Variants in MAPKAP1 observed in about 807,000 individuals in gnomAD.
MAPKAP1 encodes target of rapamycin complex 2 subunit MAPKAP1.
Under a neutral mutation model 65.7 loss-of-function variants are expected in MAPKAP1, and 20 were observed. That is an observed-to-expected ratio of 0.30 (90% CI 0.21 to 0.44). MAPKAP1 has a LOEUF of 0.44. Ranked by LOEUF, MAPKAP1 falls within the 20% of genes least tolerant of loss-of-function variation. The pLI, the probability that MAPKAP1 is intolerant of heterozygous loss-of-function variation, is 1.00. For synonymous variants in MAPKAP1, 222 were observed against 244.3 expected (o/e 0.91, Z 0.85); for missense variants, 423 against 648.0 (o/e 0.65, Z 3.77).
At chr9:125,650,991 C>T (rs1351942634) in intron 4 of MAPKAP1, among the ~76,000 whole-genome samples, 2 of 152,062 alleles carry the variant, frequency 1.3e-5, no homozygotes, top group African/African-American at 2.4e-5. Flanking sequence ...TTTTCAGACA[C>T]CATCTTGCTC....
intron 1 of MAPKAP1, among the ~76,000 whole-genome samples, chr9:125,685,979 G>GAGT (rs1419907978): frequency 2.0e-5 from 3 of 152,168 alleles, no homozygotes; most frequent in Non-Finnish European, 4.4e-5. Context: ...GAATTCAACA[G>GAGT]AGTAATGTTT....
intron 4 of MAPKAP1, chr9:125,652,154 C>A: frequency 1.5e-6 from 2 of 1,313,266 alleles, no homozygotes; most frequent in Non-Finnish European, 2.0e-6. Context: ...TGGCTTCATG[C>A]TTTTCTGCAA....
intron 10 of MAPKAP1, among the ~76,000 whole-genome samples, chr9:125,452,251 AC>A (rs1852984147): frequency 6.6e-6 from 1 of 152,052 alleles, no homozygotes; most frequent in South Asian, 2.1e-4. Flanking sequence ...GGCGTGCGCC[AC>A]CACGCCGAGC....
rs1337978048 is a variant in MAPKAP1 at position 125,625,257 on chromosome 9, A to AATT, written c.498+32393_498+32394insAAT. ...TCAATAAAAAAAAAATAAATAAATAAAAAAAAAAAAAAAAAAAAAAAAACA... is the reference window on the plus strand; with the variant it reads ...TCAATAAAAAAAAAATAAATAAATAAATTAAAAAAAAAAAAAAAAAAAAAAACA... On this transcript the variant is annotated intron_variant, in intron 4 of 11. Transcript: ENST00000265960. 5.4e-3 allele frequency among the ~76,000 whole-genome samples: 347 copies of AATT among 64,034 alleles called. 3 individuals are homozygous for AATT. Among genetic ancestry groups the AATT allele is most frequent in the South Asian group, 0.022 (39 of 1,798 alleles). The allele number at this position is 64,034 out of a possible 152,430, so 42.0% of individuals were successfully genotyped here. A position where few individuals can be genotyped will look rare whatever the true frequency, so the allele number is the denominator to read the frequency against.
chr9:125,611,935 C>A (rs1375567065), intron 4 of MAPKAP1, among the ~76,000 whole-genome samples: 2 of 152,146 alleles, frequency 1.3e-5, no homozygotes, highest in Non-Finnish European at 2.9e-5. Context: ...AACAGATTTA[C>A]AGATTGAGTA....
Position 125,595,461 on chromosome 9 carries a change from A to C in MAPKAP1, c.499-9734T>G, listed in dbSNP as rs1832097320. On this transcript the variant is annotated intron_variant, in intron 4 of 11. Transcript: ENST00000265960. This position sits in a 1 kb window ranked among gnomAD's most constrained non-coding sequence, Gnocchi z 4.0. ...TTCTCAGCTGATCCTATTAATTAAA[A>C]TAATATACATTAGCTGCTTATCATA... 2 of 938,688 alleles carry C rather than the reference A, an allele frequency of 2.1e-6. No individual in the cohort carries two copies. Among genetic ancestry groups the C allele is most frequent in the African/African-American group, 3.5e-5 (2 of 56,978 alleles). 58.1% of individuals were successfully genotyped at this position (938,688 alleles called of 1,614,324 possible). A position where few individuals can be genotyped will look rare whatever the true frequency, so the allele number is the denominator to read the frequency against.
intron 7 of MAPKAP1, among the ~76,000 whole-genome samples, chr9:125,525,400 G>A (rs1442826734): frequency 1.3e-5 from 2 of 152,196 alleles, no homozygotes; most frequent in Non-Finnish European, 2.9e-5. Flanking sequence ...GAGGCCGGGC[G>A]CGGTGGCTCA....
At chr9:125,632,406 A>G (rs1833313797) in intron 4 of MAPKAP1, among the ~76,000 whole-genome samples, 1 of 152,162 alleles carries the variant, frequency 6.6e-6, no homozygotes, top group Admixed American at 6.5e-5. Context: ...CACTCAAGAA[A>G]TATTTGAGAA....
chr9:125,490,414 C>CT (rs1290729694), intron 8 of MAPKAP1, among the ~76,000 whole-genome samples: 1 of 152,090 alleles, frequency 6.6e-6, no homozygotes, highest in African/African-American at 2.4e-5. Context: ...TGGCATACGC[C>CT]TGTAATCTTA....
At chr9:125,606,013 T>C (rs186693644) in intron 4 of MAPKAP1, among the ~76,000 whole-genome samples, 1 of 152,348 alleles carries the variant, frequency 6.6e-6, no homozygotes, top group Admixed American at 6.5e-5. Flanking sequence ...TTGAAATTGA[T>C]AGGAATTCAA....
At chr9:125,566,456 T>C (rs1196532429) in intron 5 of MAPKAP1, among the ~76,000 whole-genome samples, 1 of 152,048 alleles carries the variant, frequency 6.6e-6, no homozygotes, top group African/African-American at 2.4e-5. Flanking sequence ...TCCCAGCTAC[T>C]TAGGAGGTGA....
At chr9:125,528,137 G>A (rs1264689167) in intron 7 of MAPKAP1, among the ~76,000 whole-genome samples, 2 of 152,138 alleles carry the variant, frequency 1.3e-5, no homozygotes, top group Admixed American at 1.3e-4. Flanking sequence ...TCAAGGAAAA[G>A]CGGGGGCTCT....
intron 3 of MAPKAP1, among the ~76,000 whole-genome samples, chr9:125,668,382 T>C (rs931971958): frequency 6.6e-6 from 1 of 152,218 alleles, no homozygotes; most frequent in Admixed American, 6.5e-5. Context: ...AAGTACCTAG[T>C]AGAGCACGAG....
At chr9:125,478,594 T>C (rs1410583086) in intron 9 of MAPKAP1, among the ~76,000 whole-genome samples, 1 of 152,200 alleles carries the variant, frequency 6.6e-6, no homozygotes, top group Non-Finnish European at 1.5e-5. Flanking sequence ...CCTCCCAAAG[T>C]GCTGGGATTA....
intron 11 of MAPKAP1, among the ~76,000 whole-genome samples, chr9:125,444,106 T>G (rs575928230): frequency 1.3e-5 from 2 of 152,346 alleles, no homozygotes; most frequent in African/African-American, 4.8e-5. Flanking sequence ...TAAAATCACC[T>G]TCAGCATAAT....
At chr9:125,554,794 C>CAAAAAAAAAA (rs56911891) in intron 6 of MAPKAP1, among the ~76,000 whole-genome samples, 4 of 65,640 alleles carry the variant, frequency 6.1e-5, no homozygotes, top group Admixed American at 4.1e-4. Context: ...AGACACTTAT[C>CAAAAAAAAAA]AAAAAAAAAA....
Position 125,559,717 on chromosome 9 carries a change from T to C in MAPKAP1, c.764A>G (p.His255Arg). 1 of 1,613,962 alleles carries C rather than the reference T, an allele frequency of 6.2e-7. No homozygotes were observed. Among genetic ancestry groups the C allele is most frequent in the Non-Finnish European group, 8.5e-7 (1 of 1,179,894 alleles). Reference sequence around the variant, plus strand: ...GGCCAAAGTACTGAAGCCAAACTTATGAATGGGCTCATTGGAATCCAGCGG... The same window carrying C: ...GGCCAAAGTACTGAAGCCAAACTTACGAATGGGCTCATTGGAATCCAGCGG... ...FPPLDSNEPI[H>R]KFGFSTLALV... Residue 255 changes from histidine to arginine, a missense_variant, in exon 6 of 12, where the codon CAT becomes CGT. By Grantham distance (29) the His-to-Arg change is conservative. Around this residue, in one of 6 missense-constraint regions of MAPKAP1, gnomAD observed 98 missense variants for 200.5 expected, o/e 0.49. Transcript: ENST00000265960.
intron 2 of MAPKAP1, 21 bp downstream of exon 2, chr9:125,672,295 T>C: frequency 1.9e-6 from 3 of 1,612,202 alleles, no homozygotes; most frequent in Non-Finnish European, 2.5e-6. Flanking sequence ...TCAGAAGACA[T>C]GACTAGAACA....
intron 4 of MAPKAP1, among the ~76,000 whole-genome samples, chr9:125,588,190 A>T (rs1386599111): frequency 6.6e-6 from 1 of 152,258 alleles, no homozygotes; most frequent in Non-Finnish European, 1.5e-5. Flanking sequence ...ATGAATGGAT[A>T]AACAAAATCC....
Sources: allele counts gnomAD v4.1 joint callset (sites outside exome capture counted in the v4.1 genomes callset), GRCh38; gene constraint gnomAD v4.1.1; regional missense constraint gnomAD v4.1.1; non-coding constraint Gnocchi (gnomAD v3.1); transcripts MANE v1.5; gene names NCBI Gene and HGNC (gene_info 2026-07-23, HGNC 2026-07-21).